The following CRY1 variants were observed in gnomAD, a reference collection of about 807,000 sequenced individuals.
The protein encoded by CRY1 is cryptochrome-1.
In CRY1, 45 loss-of-function variants were observed where a neutral mutation model predicts 76.0. The ratio of observed to expected loss-of-function variants is 0.59; its 90% CI spans 0.47 to 0.76. CRY1 has a LOEUF of 0.76. Ranked by LOEUF, CRY1 falls within the 30% of genes least tolerant of loss-of-function variation. CRY1 has a pLI of 0.00. For missense variants in CRY1, 587 were observed against 716.4 expected, an observed-to-expected ratio of 0.82 and a Z score of 2.06; for synonymous variants, 248 against 244.0, an observed-to-expected ratio of 1.02 and a Z score of -0.15.
At chr12:107,034,818 T>A (rs950744365) in intron 1 of CRY1, among the ~76,000 whole-genome samples, 1 of 152,092 alleles carries the variant, frequency 6.6e-6, no homozygotes, top group Non-Finnish European at 1.5e-5. Flanking sequence ...CAGAAAAAAA[T>A]AAATACATAA....
chr12:106,995,634 CTTTTTTCTTTT>C (rs1952225734), intron 10 of CRY1, among the ~76,000 whole-genome samples: 1 of 151,952 alleles, frequency 6.6e-6, no homozygotes, highest in Admixed American at 6.6e-5. Flanking sequence ...GTATAGATTT[CTTTTTTCTTTT>C]TTTTCCCTTC....
chr12:107,066,086 G>A (rs1037584618), intron 1 of CRY1, among the ~76,000 whole-genome samples: 2 of 152,126 alleles, frequency 1.3e-5, no homozygotes, highest in Admixed American at 1.3e-4. Flanking sequence ...TTTTTACTAG[G>A]AATAAAGTGA....
At chr12:107,006,896 G>A (rs889691926) in intron 2 of CRY1, among the ~76,000 whole-genome samples, 1 of 151,892 alleles carries the variant, frequency 6.6e-6, no homozygotes, top group Non-Finnish European at 1.5e-5. Context: ...CATCTACCTC[G>A]GCCTCCCAAA....
At chr12:107,012,828 A>AG (rs1566247168) in intron 2 of CRY1, among the ~76,000 whole-genome samples, 2 of 152,192 alleles carry the variant, frequency 1.3e-5, no homozygotes, top group Admixed American at 1.3e-4. Context: ...GATGACTCTG[A>AG]GGGGTTCAAG....
chr12:107,001,799 T>A lies in CRY1; in HGVS notation c.560A>T (p.Asp187Val). 1.3e-6 allele frequency: 2 copies of A among 1,577,056 alleles called. No homozygotes were observed. The highest frequency in any genetic ancestry group is 1.7e-6 in the Non-Finnish European group (2 of 1,170,764). Residue 187 changes from aspartate (D) to valine (V), a missense_variant, in exon 4 of 13, where the codon GAT becomes GTT. Transcript: ENST00000008527. ...KCTTPLSDDH[D>V]EKYGVPSLEE... ...CAGTGAAGGGACTCCATATTTCTCATCATGGTCATCAGACAGAGGAGTTGT... is the reference window on the plus strand; with the variant it reads ...CAGTGAAGGGACTCCATATTTCTCAACATGGTCATCAGACAGAGGAGTTGT...
intron 1 of CRY1, among the ~76,000 whole-genome samples, chr12:107,060,654 G>T (rs995640374): frequency 1.3e-5 from 2 of 152,132 alleles, no homozygotes; most frequent in African/African-American, 4.8e-5. Context: ...GGAACTGAAC[G>T]CAGGTCTTTC....
chr12:107,013,635 G>A (rs1952468150), intron 2 of CRY1, among the ~76,000 whole-genome samples: 1 of 152,092 alleles, frequency 6.6e-6, no homozygotes, highest in Non-Finnish European at 1.5e-5. Context: ...CAATGACAAG[G>A]AATAAAACAG....
intron 10 of CRY1, among the ~76,000 whole-genome samples, chr12:106,996,042 C>G (rs1952230402): frequency 6.6e-6 from 1 of 152,162 alleles, no homozygotes; most frequent in Non-Finnish European, 1.5e-5. Context: ...GGGGGTTTCT[C>G]CATGTTGGTC....
At chr12:106,996,737 T>C (rs1006947840) in intron 10 of CRY1, among the ~76,000 whole-genome samples, 2 of 152,246 alleles carry the variant, frequency 1.3e-5, no homozygotes, top group Non-Finnish European at 2.9e-5. Context: ...CAAAAACTAA[T>C]ATGATGGTTC....
chr12:107,007,122 G>C (rs554184970), intron 2 of CRY1, among the ~76,000 whole-genome samples: 1 of 152,182 alleles, frequency 6.6e-6, no homozygotes, highest in African/African-American at 2.4e-5. Flanking sequence ...GCATTGCTCA[G>C]ATTTGTTAGT....
intron 1 of CRY1, among the ~76,000 whole-genome samples, chr12:107,061,446 C>CTTA (rs1953045937): frequency 2.0e-5 from 3 of 151,388 alleles, no homozygotes. Context: ...GTGGCGTGAT[C>CTTA]TTAGCTCACT....
chr12:107,011,645 G>A (rs1275737246), intron 2 of CRY1, among the ~76,000 whole-genome samples: 2 of 152,206 alleles, frequency 1.3e-5, no homozygotes, highest in Admixed American at 1.3e-4. Context: ...GCTGAGAGAG[G>A]TGAGGAAGCT....
intron 1 of CRY1, among the ~76,000 whole-genome samples, chr12:107,023,127 C>T (rs1425776346): frequency 2.0e-5 from 3 of 152,188 alleles, no homozygotes; most frequent in East Asian, 1.9e-4. Context: ...ATCTTATTTC[C>T]TATTTTGCTT....
chr12:107,025,237 G>A (rs948534427), intron 1 of CRY1, among the ~76,000 whole-genome samples: 1 of 152,196 alleles, frequency 6.6e-6, no homozygotes, highest in South Asian at 2.1e-4. Flanking sequence ...TTGATAATTA[G>A]CATACATTCC....
At chr12:107,049,881 T>G (rs1484416011) in intron 1 of CRY1, 1 of 152,172 alleles carries the variant, frequency 6.6e-6, no homozygotes, top group African/African-American at 2.4e-5. Flanking sequence ...GACTTGTTAA[T>G]TATAAAATGA....
chr12:106,992,545 A>G (rs2136814112), intron 12 of CRY1: 2 of 339,266 alleles, frequency 5.9e-6, no homozygotes, highest in South Asian at 1.3e-4. Flanking sequence ...CCACAAAATC[A>G]TAAACATCTC....
chr12:107,086,624 C>A (rs1412180551), intron 1 of CRY1, among the ~76,000 whole-genome samples: 1 of 152,234 alleles, frequency 6.6e-6, no homozygotes, highest in Admixed American at 6.5e-5. Flanking sequence ...CAGGTACTGT[C>A]TGGACTGCCA....
Position 107,093,030 on chromosome 12 carries a change from T to C in CRY1, c.-69A>G. The stretch of plus-strand genomic sequence containing the variant: ...GAGGCTCCGGCTCATAGCCGACACC[T>C]TCGCTTCCAAGAGAATTGCCTCACC... On this transcript the variant is annotated 5_prime_UTR_variant, in exon 1 of 13. Coordinates refer to ENST00000008527, the MANE Select transcript of CRY1 (RefSeq NM_004075.5). The C allele has an allele frequency of 7.0e-7, 1 of 1,434,600 alleles. No individual in the cohort carries two copies. Among genetic ancestry groups the C allele is most frequent in the Non-Finnish European group, 9.1e-7 (1 of 1,096,466 alleles). 88.9% of individuals were successfully genotyped at this position (1,434,600 alleles called of 1,614,324 possible). A position where few individuals can be genotyped will look rare whatever the true frequency, so the allele number is the denominator to read the frequency against.
intron 2 of CRY1, among the ~76,000 whole-genome samples, chr12:107,020,208 G>C (rs1331408763): frequency 7.0e-6 from 1 of 141,932 alleles, no homozygotes; most frequent in Non-Finnish European, 1.5e-5. Flanking sequence ...AAAAGGCTAA[G>C]TAATGCTTAT....
Sources: gnomAD v4.1 joint callset for allele counts (sites outside exome capture counted in the v4.1 genomes callset) on GRCh38, gnomAD v4.1.1 for gene constraint, MANE v1.5 for transcripts, NCBI Gene and HGNC (gene_info 2026-07-23, HGNC 2026-07-21) for gene names.